The following MSI2 variants were observed in gnomAD, a reference collection of about 807,000 sequenced individuals.
The protein encoded by MSI2 is musashi RNA binding protein 2, also known as RNA-binding protein Musashi homolog 2.
A neutral mutation model predicts 45.6 loss-of-function variants in MSI2; 17 were observed. The ratio of observed to expected loss-of-function variants is 0.37; its 90% confidence interval spans 0.26 to 0.56. The LOEUF (loss-of-function observed/expected upper bound fraction) is 0.56, where lower values mean the gene tolerates loss of function less well. Among genes scored for constraint, MSI2 ranks in the 20% least tolerant of loss-of-function variants. The pLI, the probability that MSI2 is intolerant of heterozygous loss-of-function variation, is 0.77. For missense variants in MSI2, 293 were observed against 444.2 expected (o/e 0.66, Z 3.06); for synonymous variants, 156 against 158.2 (o/e 0.99, Z 0.11).
chr17:57,404,878 C>T (rs542804514), intron 6 of MSI2, among the ~76,000 whole-genome samples: 45 of 152,192 alleles, frequency 3.0e-4, no homozygotes, highest in African/African-American at 1.1e-3. Flanking sequence ...AAACACACCC[C>T]CTCTCCCCAA....
chr17:57,601,132 A>C (rs917141216), intron 8 of MSI2: 1 of 152,150 alleles, frequency 6.6e-6, no homozygotes, highest in African/African-American at 2.4e-5. Flanking sequence ...GTCGTGGCCC[A>C]TGTGGTTCCA....
chr17:57,346,349 G>A (rs962322411), intron 5 of MSI2, among the ~76,000 whole-genome samples: 7 of 46,340 alleles, frequency 1.5e-4, no homozygotes, highest in African/African-American at 3.4e-4. Context: ...AACACATTTT[G>A]GGGGGGGGGG....
chr17:57,557,783 A>G (rs147093388), intron 7 of MSI2, among the ~76,000 whole-genome samples: 529 of 152,388 alleles, frequency 3.5e-3, no homozygotes, highest in African/African-American at 0.011. Flanking sequence ...ATTGATGAGA[A>G]GCAGCCCCAG....
At chr17:57,537,028 T>C (rs1393456201) in intron 7 of MSI2, among the ~76,000 whole-genome samples, 1 of 151,696 alleles carries the variant, frequency 6.6e-6, no homozygotes, top group Non-Finnish European at 1.5e-5. Flanking sequence ...TTGAGGGGAG[T>C]GGAGAGCTGT....
At chr17:57,423,232 G>T (rs868038787) in intron 6 of MSI2, among the ~76,000 whole-genome samples, 18 of 152,216 alleles carry the variant, frequency 1.2e-4, no homozygotes, top group African/African-American at 4.1e-4. Flanking sequence ...GGCTAAAAAT[G>T]TGCAGCTTGC....
At chr17:57,599,534 A>G (rs1447366063) in intron 8 of MSI2, among the ~76,000 whole-genome samples, 1 of 152,218 alleles carries the variant, frequency 6.6e-6, no homozygotes, top group African/African-American at 2.4e-5. Context: ...TCTCCCACCC[A>G]GGTGGAGGGT....
chr17:57,619,417 A>G (rs923406839), intron 9 of MSI2, among the ~76,000 whole-genome samples: 2 of 152,170 alleles, frequency 1.3e-5, no homozygotes, highest in African/African-American at 4.8e-5. Context: ...ATCATCATAG[A>G]GTCTGGGGGT....
At chr17:57,591,039 T>C (rs1904782298) in intron 7 of MSI2, among the ~76,000 whole-genome samples, 1 of 152,216 alleles carries the variant, frequency 6.6e-6, no homozygotes, top group Non-Finnish European at 1.5e-5. Flanking sequence ...CCTCACTCTG[T>C]CAGGGCCTGG....
downstream of MSI2, among the ~76,000 whole-genome samples, chr17:57,687,515 A>C (rs898982116): frequency 2.0e-5 from 3 of 152,046 alleles, no homozygotes; most frequent in Non-Finnish European, 2.9e-5. Flanking sequence ...GAATCAGAAA[A>C]TTTCTTAGCA....
intron 6 of MSI2, among the ~76,000 whole-genome samples, chr17:57,444,207 C>G (rs953233781): frequency 1.3e-5 from 2 of 152,186 alleles, no homozygotes; most frequent in Non-Finnish European, 2.9e-5. Context: ...CTGATAATGA[C>G]AGCCACTGCT....
At chr17:57,594,218 C>T (rs1247651423) in intron 7 of MSI2, among the ~76,000 whole-genome samples, 2 of 152,208 alleles carry the variant, frequency 1.3e-5, no homozygotes, top group African/African-American at 4.8e-5. Flanking sequence ...ATTTCCGCGG[C>T]CTCCGCAGTG....
chr17:57,591,203 A>C (rs925281978), intron 7 of MSI2, among the ~76,000 whole-genome samples: 1 of 152,178 alleles, frequency 6.6e-6, no homozygotes, highest in South Asian at 2.1e-4. Context: ...ATGGGCCTTC[A>C]TGAGGCTCCA....
chr17:57,349,210 C>T (rs1236401610), intron 5 of MSI2, among the ~76,000 whole-genome samples: 1 of 152,174 alleles, frequency 6.6e-6, no homozygotes, highest in African/African-American at 2.4e-5. Flanking sequence ...CTGGGATTCT[C>T]CTCAGCTCAC....
rs1365802597 is a variant in MSI2 at position 57,336,255 on chromosome 17, A to G, written c.313-65124A>G. 3.9e-5 allele frequency among the ~76,000 whole-genome samples: 6 copies of G among 152,328 alleles called. No individual in the cohort carries two copies. In the East Asian group the frequency reaches 9.6e-4, roughly 24 times the overall value. On this transcript the variant is annotated intron_variant, in intron 5 of 13. Coordinates refer to ENST00000284073, the MANE Select transcript of MSI2 (RefSeq NM_138962.4). ...ATGTAGGAAGTTCTGGGAAAGGACT[A>G]TTAAGAGTAAGGCCAAGGCTTTTGG...
intron 6 of MSI2, among the ~76,000 whole-genome samples, chr17:57,461,502 G>C (rs963082755): frequency 6.6e-6 from 1 of 151,486 alleles, no homozygotes; most frequent in Non-Finnish European, 1.5e-5. Flanking sequence ...GGCTGCTGTC[G>C]GGAACAGTAG....
At chr17:57,526,994 G>A (rs763572908) in intron 6 of MSI2, among the ~76,000 whole-genome samples, 3 of 152,126 alleles carry the variant, frequency 2.0e-5, no homozygotes, top group Non-Finnish European at 2.9e-5. Context: ...ATTAGAAAAC[G>A]TCCAAACTTA....
intron 5 of MSI2, among the ~76,000 whole-genome samples, chr17:57,287,802 T>C (rs558576562): frequency 2.6e-5 from 4 of 152,072 alleles, no homozygotes; most frequent in African/African-American, 9.6e-5. Context: ...GAAATCAGAG[T>C]CCTGTGCTGG....
At chr17:57,581,746 C>T (rs1343551549) in intron 7 of MSI2, among the ~76,000 whole-genome samples, 1 of 152,178 alleles carries the variant, frequency 6.6e-6, no homozygotes, top group Non-Finnish European at 1.5e-5. Context: ...TGAAATTGAA[C>T]CAAATGCTCC....
At chr17:57,507,499 A>G (rs1361582837) in intron 6 of MSI2, among the ~76,000 whole-genome samples, 1 of 152,128 alleles carries the variant, frequency 6.6e-6, no homozygotes, top group Non-Finnish European at 1.5e-5. Context: ...TTGAAAGTGG[A>G]TGTGATTTTT....
Sources: allele counts gnomAD v4.1 joint callset (sites outside exome capture counted in the v4.1 genomes callset), GRCh38; gene constraint gnomAD v4.1.1; transcripts MANE v1.5; gene names NCBI Gene and HGNC (gene_info 2026-07-23, HGNC 2026-07-21).